RPS6KA2: variants seen among roughly 807,000 people sequenced by gnomAD.
RPS6KA2 encodes the protein ribosomal protein S6 kinase A2.
Under a neutral mutation model 91.8 loss-of-function variants are expected in RPS6KA2, and 42 were observed. The ratio of observed to expected loss-of-function variants is 0.46; its 90% CI spans 0.36 to 0.59. The LOEUF (loss-of-function observed/expected upper bound fraction) is 0.59. Ranked by LOEUF, RPS6KA2 falls within the 20% of genes least tolerant of loss-of-function variation. The pLI is 0.00. For synonymous variants in RPS6KA2, 414 were observed against 393.6 expected (o/e 1.05, Z -0.61); for missense variants, 798 against 978.5 (o/e 0.82, Z 2.46).
At chr6:166,694,035 T>C (rs1345248902) in intron 2 of RPS6KA2, among the ~76,000 whole-genome samples, 1 of 152,258 alleles carries the variant, frequency 6.6e-6, no homozygotes, top group Admixed American at 6.5e-5. Context: ...TGTGTGACAT[T>C]GCAGCTCATC....
At chr6:166,457,346 GA>G (rs1323823296) in intron 12 of RPS6KA2, among the ~76,000 whole-genome samples, 2 of 152,178 alleles carry the variant, frequency 1.3e-5, no homozygotes, top group Admixed American at 6.6e-5. Context: ...CTCAGAAACT[GA>G]AAAGTAATCC....
rs77345667 is a variant in RPS6KA2, at chr6:166,578,410, C to T, written c.100-39626G>A. Among the ~76,000 whole-genome samples the T allele has an allele frequency of 0.01, 1,558 of 152,242 alleles. 49 individuals are homozygous for T. The South Asian group carries it at 0.1, about 10-fold the overall frequency. On this transcript the variant is annotated intron_variant, in intron 1 of 20. Transcript: ENST00000265678. The stretch of plus-strand genomic sequence containing the variant: ...GAGGTGAACAGGTGGGATTTGGGTC[C>T]GGGCATCATTATGTAGGAGCTGGGT...
intron 2 of RPS6KA2, among the ~76,000 whole-genome samples, chr6:166,711,140 G>A (rs1214992487): frequency 2.0e-5 from 3 of 151,342 alleles, no homozygotes; most frequent in East Asian, 2.0e-4. Flanking sequence ...GGGGTAACAA[G>A]GCCATAAGTC....
At chr6:166,458,202 C>T (rs1780165749) in intron 12 of RPS6KA2, among the ~76,000 whole-genome samples, 1 of 152,208 alleles carries the variant, frequency 6.6e-6, no homozygotes, top group Admixed American at 6.5e-5. Flanking sequence ...CAAATCTCAT[C>T]TTGGAGCCCT....
At chr6:166,694,753 A>T (rs1789308879) in intron 2 of RPS6KA2, among the ~76,000 whole-genome samples, 1 of 152,244 alleles carries the variant, frequency 6.6e-6, no homozygotes, top group Non-Finnish European at 1.5e-5. Flanking sequence ...CATACCACAA[A>T]GCATAATTAT....
chr6:166,763,206 G>T (rs1351944109), intron 2 of RPS6KA2, among the ~76,000 whole-genome samples: 1 of 152,144 alleles, frequency 6.6e-6, no homozygotes, highest in Non-Finnish European at 1.5e-5. Flanking sequence ...CGCTTAGCAT[G>T]GAAAAAGCAA....
Position 166,626,877 on chromosome 6 carries a change from G to A in RPS6KA2, c.99+44C>T. On this transcript the variant is annotated intron_variant, in intron 1 of 20. Coordinates refer to ENST00000265678, the MANE Select transcript of RPS6KA2 (RefSeq NM_021135.6). The surrounding 1 kb of genome is among the most constrained non-coding windows in gnomAD (Gnocchi z 4.1). Reference sequence around the variant, plus strand: ...AGGCGGGCTCGGGCGACCACGGCCCGCTCAGTGCCCGGCACCTGCGCGCCC... The same window carrying A: ...AGGCGGGCTCGGGCGACCACGGCCCACTCAGTGCCCGGCACCTGCGCGCCC... The A allele has an allele frequency of 7.1e-7, 1 of 1,412,498 alleles. No homozygotes were observed. Among genetic ancestry groups the A allele is most frequent in the Non-Finnish European group, 9.3e-7 (1 of 1,071,562 alleles). 87.5% of individuals were successfully genotyped at this position (1,412,498 alleles called of 1,614,324 possible).
At position 166,662,499 on chromosome 6, in the gene RPS6KA2, TA is replaced by T. The variant is rs1788189920; in HGVS notation, c.124-123716del. 6.6e-6 allele frequency among the ~76,000 whole-genome samples: 1 copy of T among 152,208 alleles called. No homozygotes were observed. On this transcript the variant is annotated intron_variant, in intron 2 of 21. Transcript: ENST00000503859. This position sits in a 1 kb window ranked among gnomAD's most constrained non-coding sequence, Gnocchi z 4.3. ...TGCCTATGTTACAGGAGTGCAGTTT[TA>T]TGTTTGGAAAGAGTCTCTTAGCATT...
intron 1 of RPS6KA2, among the ~76,000 whole-genome samples, chr6:166,577,297 A>G (rs1175843131): frequency 6.6e-6 from 1 of 152,180 alleles, no homozygotes; most frequent in Admixed American, 6.5e-5. Context: ...TGTGAGAAGA[A>G]GGCCACCATC....
upstream of RPS6KA2, chr6:166,628,034 A>T (rs1289970886): frequency 6.6e-6 from 1 of 151,964 alleles, no homozygotes; most frequent in Non-Finnish European, 1.5e-5. Context: ...GCGGCTGCAG[A>T]ACAAAGACGC....
At chr6:166,463,736 G>C (rs572352543) in intron 11 of RPS6KA2, among the ~76,000 whole-genome samples, 6 of 152,124 alleles carry the variant, frequency 3.9e-5, no homozygotes. Flanking sequence ...GAATTAATAC[G>C]CTCCAATAAG....
At chr6:166,721,023 C>T (rs1790155640) in intron 2 of RPS6KA2, among the ~76,000 whole-genome samples, 1 of 152,218 alleles carries the variant, frequency 6.6e-6, no homozygotes, top group South Asian at 2.1e-4. Flanking sequence ...ATGGAAATGA[C>T]CCCACTAGTC....
At chr6:166,519,343 G>T (rs1438394297) in intron 3 of RPS6KA2, among the ~76,000 whole-genome samples, 1 of 152,226 alleles carries the variant, frequency 6.6e-6, no homozygotes, top group South Asian at 2.1e-4. Flanking sequence ...ACTGGGGATT[G>T]CTACTATAGA....
chr6:166,697,639 T>C (rs543974262), intron 2 of RPS6KA2, among the ~76,000 whole-genome samples: 11 of 152,322 alleles, frequency 7.2e-5, no homozygotes, highest in African/African-American at 2.6e-4. Flanking sequence ...GATGACCTGG[T>C]GGAGCAGAGC....
intron 1 of RPS6KA2, among the ~76,000 whole-genome samples, chr6:166,593,211 G>A (rs1196433652): frequency 6.6e-6 from 1 of 151,984 alleles, no homozygotes. Flanking sequence ...CTAAGCGTTT[G>A]GAAGAAAAAT....
At position 166,775,615 on chromosome 6, in the gene RPS6KA2, G is replaced by GC. The variant is rs1212400577; in HGVS notation, c.123+82584dup. 2.0e-5 allele frequency among the ~76,000 whole-genome samples: 3 copies of GC among 152,176 alleles called. No homozygotes were observed. The East Asian group carries it at 5.8e-4, about 29-fold the overall frequency. Reference sequence around the variant, plus strand: ...CTGGTGCTCAGCTCTCCCCACACCTGCCAGCTTTATTTGGATTTCTGTCAG... The same window carrying GC: ...CTGGTGCTCAGCTCTCCCCACACCTGCCCAGCTTTATTTGGATTTCTGTCAG... On this transcript the variant is annotated intron_variant, in intron 2 of 21. Coordinates refer to the RPS6KA2 transcript ENST00000503859.
At chr6:166,523,334 T>C (rs888009154) in intron 3 of RPS6KA2, among the ~76,000 whole-genome samples, 2 of 152,196 alleles carry the variant, frequency 1.3e-5, no homozygotes, top group Non-Finnish European at 2.9e-5. Context: ...ATGAATCCCT[T>C]GAAGAGTAAA....
intron 1 of RPS6KA2, among the ~76,000 whole-genome samples, chr6:166,574,310 C>T (rs998601472): frequency 6.6e-5 from 10 of 152,082 alleles, no homozygotes; most frequent in Non-Finnish European, 7.3e-5. Context: ...TTCACATGCC[C>T]CTCCTTCCCT....
chr6:166,622,420 G>T (rs1398460050), intron 1 of RPS6KA2, among the ~76,000 whole-genome samples: 2 of 150,704 alleles, frequency 1.3e-5, no homozygotes, highest in African/African-American at 2.4e-5. Context: ...ATTTATTGTG[G>T]TTTTTTTTTG....
Sources: allele counts gnomAD v4.1 joint callset (sites outside exome capture counted in the v4.1 genomes callset), GRCh38; gene constraint gnomAD v4.1.1; non-coding constraint Gnocchi (gnomAD v3.1); transcripts MANE v1.5; gene names NCBI Gene and HGNC (gene_info 2026-07-23, HGNC 2026-07-21).